SPAG9: variants seen among roughly 807,000 people sequenced by gnomAD.
The protein encoded by SPAG9 is C-Jun-amino-terminal kinase-interacting protein 4.
SPAG9 carries 35 observed loss-of-function variants against 166.5 expected under a neutral mutation model. The observed-to-expected ratio is 0.21, with a 90% CI of 0.16 to 0.28. SPAG9 has a LOEUF of 0.28. SPAG9 is among the 10% of genes least tolerant of loss of function. The pLI, the probability that SPAG9 is intolerant of heterozygous loss-of-function variation, is 1.00. For missense variants in SPAG9, 1,235 were observed against 1,603.3 expected (o/e 0.77, Z 3.92); for synonymous variants, 534 against 565.5 (o/e 0.94, Z 0.79).
At position 51,120,833 on chromosome 17, in the gene SPAG9, G is replaced by C. The variant is rs977992662; in HGVS notation, c.-177C>G. ...GCCGGAGGAGGGGAGGGGTGGCGTA[G>C]GCGCTCTCACCCCAACCGCCGCTGC... On this transcript the variant is annotated 5_prime_UTR_variant, in exon 1 of 30. Transcript: ENST00000262013. The surrounding 1 kb of genome is among the most constrained non-coding windows in gnomAD (Gnocchi z 4.7). The C allele has an allele frequency of 9.3e-6, 4 of 431,916 alleles. No individual in the cohort carries two copies. The East Asian group carries it at 1.2e-4, about 13-fold the overall frequency. The allele number at this position is 431,916 out of a possible 1,614,324, so 26.8% of individuals were successfully genotyped here.
At chr17:50,980,495 G>A (rs9910088) in intron 25 of SPAG9, among the ~76,000 whole-genome samples, 8,683 of 151,024 alleles carry the variant, frequency 0.057, 736 homozygotes, top group African/African-American at 0.19. Flanking sequence ...ATGAGCCACC[G>A]CACCTGGCCT....
intron 19 of SPAG9, 188 bp from the exon 20 acceptor site, chr17:50,990,856 A>C (rs1975484413): frequency 1.7e-6 from 1 of 575,344 alleles, no homozygotes; most frequent in Non-Finnish European, 3.1e-6. Flanking sequence ...AATTAAGAAA[A>C]TACTTCTATT....
At chr17:51,010,390 C>G (rs1285604189) in intron 9 of SPAG9, among the ~76,000 whole-genome samples, 1 of 151,884 alleles carries the variant, frequency 6.6e-6, no homozygotes, top group East Asian at 1.9e-4. Flanking sequence ...GTTGTCTCAG[C>G]CACATTGAGC....
At chr17:51,117,802 T>G (rs1240147347) in intron 1 of SPAG9, among the ~76,000 whole-genome samples, 1 of 150,348 alleles carries the variant, frequency 6.7e-6, no homozygotes, top group African/African-American at 2.5e-5. Context: ...AGGGAGACAA[T>G]TTCTGGATAC....
At chr17:51,030,614 A>C (rs556510292) in intron 6 of SPAG9, among the ~76,000 whole-genome samples, 4 of 152,114 alleles carry the variant, frequency 2.6e-5, no homozygotes, top group African/African-American at 9.7e-5. Flanking sequence ...AAATAATTTG[A>C]CTCCTAAGAG....
intron 1 of SPAG9, among the ~76,000 whole-genome samples, chr17:51,101,345 CAAAAAAA>C (rs60896400): frequency 0.01 from 931 of 91,978 alleles, 9 homozygotes; most frequent in Non-Finnish European, 0.014. Context: ...GATTCTGTCT[CAAAAAAA>C]AAAAAAAAAA....
chr17:51,095,034 G>A (rs911733395), intron 1 of SPAG9, among the ~76,000 whole-genome samples: 2 of 152,070 alleles, frequency 1.3e-5, no homozygotes, highest in East Asian at 1.9e-4. Context: ...GGTGGCTGAC[G>A]CCTGTAATCC....
intron 1 of SPAG9, among the ~76,000 whole-genome samples, chr17:51,103,714 C>A (rs764995814): frequency 2.0e-5 from 3 of 152,054 alleles, no homozygotes; most frequent in African/African-American, 4.8e-5. Flanking sequence ...CCACTTGAGC[C>A]CAGGAATTTG....
At chr17:51,077,109 T>TCTAGCTAGCTAG (rs1412585538) in intron 2 of SPAG9, among the ~76,000 whole-genome samples, 1 of 129,526 alleles carries the variant, frequency 7.7e-6, no homozygotes, top group African/African-American at 2.9e-5. Flanking sequence ...TAGCTAGCTA[T>TCTAGCTAGCTAG]CTAGCTATCT....
chr17:51,092,520 G>A (rs2048494538), intron 1 of SPAG9, among the ~76,000 whole-genome samples: 1 of 151,972 alleles, frequency 6.6e-6, no homozygotes, highest in Non-Finnish European at 1.5e-5. Flanking sequence ...TTGTTTATAA[G>A]TTTTAGATGT....
chr17:51,096,038 G>GATATATATATATAGTGATAT lies in SPAG9; in HGVS notation c.304-16354_304-16335dup, dbSNP rs1555659857. ...ATATATAGTGATATATATATATAGTGATATATATATATAGTGATATATATA... is the reference window on the plus strand; with the variant it reads ...ATATATAGTGATATATATATATAGTGATATATATATATAGTGATATATATATATATATAGTGATATATATA... On this transcript the variant is annotated intron_variant, in intron 1 of 29. Transcript: ENST00000262013. Among the ~76,000 whole-genome samples the GATATATATATATAGTGATAT allele has an allele frequency of 3.5e-3, 324 of 92,536 alleles. 7 individuals carry two copies. Among genetic ancestry groups the GATATATATATATAGTGATAT allele is most frequent in the African/African-American group, 0.013 (219 of 17,226 alleles). 60.7% of individuals were successfully genotyped at this position (92,536 alleles called of 152,430 possible).
chr17:51,087,876 C>T (rs556670959), intron 1 of SPAG9, among the ~76,000 whole-genome samples: 99 of 152,192 alleles, frequency 6.5e-4, no homozygotes, highest in African/African-American at 2.3e-3. Flanking sequence ...GCTGGGACTA[C>T]AGGCATGTGC....
rs1491371986 is a variant in SPAG9 at position 51,053,853 on chromosome 17, AAG to A, written c.495+2557_495+2558del. Among the ~76,000 whole-genome samples the A allele has an allele frequency of 6.8e-3, 379 of 56,078 alleles. 2 individuals are homozygous for A. The highest frequency in any genetic ancestry group is 0.012 in the South Asian group (23 of 1,926). 36.8% of individuals were successfully genotyped at this position (56,078 alleles called of 152,430 possible). A position where few individuals can be genotyped will look rare whatever the true frequency, so the allele number is the denominator to read the frequency against. ...ACCCTAATTAAAAAAAAAAAAAAAA[AAG>A]TATATATATATATATATATATATAT... On this transcript the variant is annotated intron_variant, in intron 3 of 29. Transcript: ENST00000262013.
intron 19 of SPAG9, among the ~76,000 whole-genome samples, chr17:50,992,769 G>A (rs1975700097): frequency 6.6e-6 from 1 of 152,082 alleles, no homozygotes. Flanking sequence ...TCGGGAGGAC[G>A]AAGCGGGTGG....
rs200765632 is a variant in SPAG9 at position 50,989,693 on chromosome 17, G to C, written c.2797C>G (p.Pro933Ala). The C allele has an allele frequency of 2.2e-5, 35 of 1,614,040 alleles. No homozygotes were observed. In the Middle Eastern group the frequency reaches 6.6e-4, roughly 30 times the overall value. ...TTATTATACCTCGACTGATACACTG[G>C]GGAGAGGTCTTCTGGGATCTGAACT... is the stretch of plus-strand genomic sequence containing the variant. ...LGVQIPEDLS[P>A]VYQSSNDSDA... Residue 933 changes from proline to alanine, a missense_variant, in exon 21 of 30, where the codon CCA (proline) becomes GCA (alanine). Pro to Ala is a conservative substitution (Grantham distance 27). This residue lies in a region of SPAG9 where 493 missense variants were observed against 559.4 expected (regional missense o/e 0.88). Transcript: ENST00000262013.
At chr17:51,097,113 T>C (rs1431622535) in intron 1 of SPAG9, among the ~76,000 whole-genome samples, 1 of 152,158 alleles carries the variant, frequency 6.6e-6, no homozygotes, top group African/African-American at 2.4e-5. Context: ...CCATAAAAAC[T>C]CAAAAGAACA....
At chr17:50,975,864 C>T in intron 27 of SPAG9, 1 of 1,535,636 alleles carries the variant, frequency 6.5e-7, no homozygotes, top group Non-Finnish European at 8.7e-7. Context: ...TGCACTTACC[C>T]CTCAGCCCCA....
chr17:51,113,648 C>G (rs2049191555), intron 1 of SPAG9, among the ~76,000 whole-genome samples: 1 of 149,326 alleles, frequency 6.7e-6, no homozygotes, highest in Non-Finnish European at 1.5e-5. Flanking sequence ...CTACTGCACT[C>G]CAGCATGGGT....
intron 1 of SPAG9, among the ~76,000 whole-genome samples, chr17:51,118,547 C>A (rs2049367192): frequency 6.6e-6 from 1 of 152,196 alleles, no homozygotes; most frequent in Admixed American, 6.5e-5. Flanking sequence ...TTGCTTGTCA[C>A]CTGTGTGTAC....
Sources: allele counts gnomAD v4.1 joint callset (sites outside exome capture counted in the v4.1 genomes callset), GRCh38; gene constraint gnomAD v4.1.1; regional missense constraint gnomAD v4.1.1; non-coding constraint Gnocchi (gnomAD v3.1); transcripts MANE v1.5; gene names NCBI Gene and HGNC (gene_info 2026-07-23, HGNC 2026-07-21).